LHX8: variants seen among roughly 807,000 people sequenced by gnomAD.
The protein encoded by LHX8 is LIM homeobox 8.
Under a neutral mutation model 40.3 loss-of-function variants are expected in LHX8, and 12 were observed. That is an observed-to-expected ratio of 0.30 (90% CI 0.19 to 0.48). The LOEUF (loss-of-function observed/expected upper bound fraction) is 0.48. LHX8 is among the 20% of genes least tolerant of loss of function. The pLI is 0.99. For missense variants in LHX8, 344 were observed against 433.7 expected (o/e 0.79, Z 1.84); for synonymous variants, 179 against 162.0 (o/e 1.10, Z -0.80).
At chr1:75,137,062 G>A (rs760877751) in intron 2 of LHX8, 38 bp from the exon 3 acceptor site, 10 of 1,562,724 alleles carry the variant, frequency 6.4e-6, no homozygotes, top group Middle Eastern at 2.4e-4. Flanking sequence ...AAGGGGAGGA[G>A]GGGTCTAGAA....
chr1:75,130,742 T>A, upstream of LHX8: 1 of 1,613,888 alleles, frequency 6.2e-7, no homozygotes, highest in South Asian at 1.1e-5. Context: ...GGTAAGTTTG[T>A]GGAAAGAACC....
intron 3 of LHX8, among the ~76,000 whole-genome samples, chr1:75,139,901 CCATATCTCACAGT>C (rs1648266349): frequency 6.6e-6 from 1 of 152,114 alleles, no homozygotes; most frequent in African/African-American, 2.4e-5. Flanking sequence ...TGAGCAAAAG[CCATATCTCACAGT>C]CATTTACTTT....
At chr1:75,129,286 A>T (rs2100320937) in intron 1 of LHX8, among the ~76,000 whole-genome samples, 1 of 152,310 alleles carries the variant, frequency 6.6e-6, no homozygotes, top group South Asian at 2.1e-4. Context: ...GAAGGAAGGA[A>T]GGCAAGCAGG....
intron 6 of LHX8, among the ~76,000 whole-genome samples, chr1:75,145,563 C>T (rs891695380): frequency 6.6e-6 from 1 of 152,100 alleles, no homozygotes. Flanking sequence ...TACTTTATCT[C>T]CTTTAACTTT....
chr1:75,161,786 T>C (rs1274828139), downstream of LHX8, among the ~76,000 whole-genome samples: 2 of 152,056 alleles, frequency 1.3e-5, no homozygotes, highest in African/African-American at 4.8e-5. Context: ...TCGGAGGGTA[T>C]TACAAGCCAG....
At chr1:75,178,857 A>T in the LHX8 span, among the ~76,000 whole-genome samples, 1 of 152,202 alleles carries the variant, frequency 6.6e-6, no homozygotes, top group African/African-American at 2.4e-5. Flanking sequence ...TCTCCCAGAG[A>T]TTCTGATACA....
chr1:75,174,855 C>G, the LHX8 span, among the ~76,000 whole-genome samples: 1 of 150,860 alleles, frequency 6.6e-6, no homozygotes, highest in African/African-American at 2.4e-5. Context: ...TTTGGGGAAA[C>G]AGGTGATGTT....
At position 75,161,057 on chromosome 1, in the gene LHX8, C is replaced by G. The variant is rs976323251; in HGVS notation, c.*162C>G. Reference sequence around the variant, plus strand: ...ATGTATCTATAGTTGGCCTGCAAGACACTTTTATTAATTCTTCATTTTTTG... The same window carrying G: ...ATGTATCTATAGTTGGCCTGCAAGAGACTTTTATTAATTCTTCATTTTTTG... On this transcript the variant is annotated 3_prime_UTR_variant, in exon 9 of 9. Coordinates refer to ENST00000356261, the MANE Select transcript of LHX8 (RefSeq NM_001256114.2). 1.7e-5 allele frequency: 10 copies of G among 606,036 alleles called. No individual in the cohort carries two copies. The highest frequency in any genetic ancestry group is 2.9e-5 in the Non-Finnish European group (10 of 341,282). The allele number at this position is 606,036 out of a possible 1,614,324, so 37.5% of individuals were successfully genotyped here. A position where few individuals can be genotyped will look rare whatever the true frequency, so the allele number is the denominator to read the frequency against.
At chr1:75,130,571 C>T, upstream of LHX8, 3 of 810,264 alleles carry the variant, frequency 3.7e-6, no homozygotes, top group Admixed American at 3.5e-5. Flanking sequence ...AGGCCCTCGC[C>T]CGCTTTTGGC....
intron 3 of LHX8, among the ~76,000 whole-genome samples, chr1:75,140,675 T>C (rs1648288417): frequency 6.6e-6 from 1 of 152,212 alleles, no homozygotes; most frequent in African/African-American, 2.4e-5. Flanking sequence ...AACTATTCCC[T>C]GTGTTCATAA....
intron 6 of LHX8, among the ~76,000 whole-genome samples, chr1:75,146,000 G>A (rs995640097): frequency 2.6e-5 from 4 of 152,048 alleles, no homozygotes; most frequent in Middle Eastern, 3.2e-3. Flanking sequence ...TCTTATGGAA[G>A]GGGTGGCTGA....
chr1:75,177,658 C>T, the LHX8 span, among the ~76,000 whole-genome samples: 9 of 152,050 alleles, frequency 5.9e-5, no homozygotes, highest in Non-Finnish European at 1.2e-4. Context: ...TAATTGAATG[C>T]CCTTTATTGC....
chr1:75,133,524 A>G (rs1291377720), upstream of LHX8, among the ~76,000 whole-genome samples: 1 of 152,212 alleles, frequency 6.6e-6, no homozygotes, highest in Non-Finnish European at 1.5e-5. Flanking sequence ...AGACTCCTAG[A>G]TCTTCTTAGT....
chr1:75,143,770 A>G (rs1187678763), intron 5 of LHX8, 75 bp from the exon 6 acceptor site: 3 of 1,122,892 alleles, frequency 2.7e-6, no homozygotes, highest in Admixed American at 1.7e-5. Flanking sequence ...GCCAAGAGAT[A>G]TAAGAAACCT....
chr1:75,138,824 CTAAGT>C (rs540772103), intron 3 of LHX8, among the ~76,000 whole-genome samples: 41 of 152,038 alleles, frequency 2.7e-4, no homozygotes, highest in Non-Finnish European at 5.6e-4. Flanking sequence ...GCATAAAAAT[CTAAGT>C]TAAGTGAGTT....
At chr1:75,136,543 G>C in intron 1 of LHX8, 60 bp from the exon 2 acceptor site, 2 of 1,257,398 alleles carry the variant, frequency 1.6e-6, no homozygotes, top group African/African-American at 3.0e-5. Flanking sequence ...GCTGGGGCGG[G>C]CAGCACGCTC....
At chr1:75,185,607 T>G in the LHX8 span, among the ~76,000 whole-genome samples, 1 of 152,188 alleles carries the variant, frequency 6.6e-6, no homozygotes, top group Admixed American at 6.6e-5. Context: ...GGGTAAAAGC[T>G]GGAAGTATTC....
intron 7 of LHX8, among the ~76,000 whole-genome samples, chr1:75,149,901 C>T (rs1270051735): frequency 1.3e-5 from 2 of 152,062 alleles, no homozygotes; most frequent in Non-Finnish European, 2.9e-5. Context: ...GCTAGAAAGA[C>T]AAGAAAGAAT....
chr1:75,137,669 C>G (rs759162649), intron 3 of LHX8, among the ~76,000 whole-genome samples: 9 of 152,228 alleles, frequency 5.9e-5, no homozygotes, highest in Non-Finnish European at 1.0e-4. Context: ...ACTGTGGTCT[C>G]TCCACCCCAG....
Sources: gnomAD v4.1 joint callset for allele counts (sites outside exome capture counted in the v4.1 genomes callset) on GRCh38, gnomAD v4.1.1 for gene constraint, MANE v1.5 for transcripts, NCBI Gene and HGNC (gene_info 2026-07-23, HGNC 2026-07-21) for gene names.